Variants in MRO observed in about 807,000 individuals in gnomAD.
MRO encodes the protein maestro, also known as protein maestro.
In MRO, 28 loss-of-function variants were observed where a neutral mutation model predicts 31.0. That is an observed-to-expected ratio of 0.90 (90% CI 0.67 to 1.24). The LOEUF (loss-of-function observed/expected upper bound fraction) is 1.24, where lower values mean the gene tolerates loss of function less well. MRO is among the 50% of genes most tolerant of loss of function. The probability of loss-of-function intolerance (pLI) is 0.00; values close to 1 mark genes in which losing one functional copy is unlikely to be tolerated. For missense variants in MRO, 332 were observed against 289.2 expected (o/e 1.15, Z -1.07); for synonymous variants, 108 against 108.4 (o/e 1.00, Z 0.02).
At chr18:50,811,746 C>CTTTTTTTTT (rs71171344) in intron 2 of MRO, among the ~76,000 whole-genome samples, 7 of 80,154 alleles carry the variant, frequency 8.7e-5, no homozygotes, top group Non-Finnish European at 1.6e-4. Context: ...TGTGGTAATT[C>CTTTTTTTTT]TTTTTTTTTT....
At chr18:50,812,629 G>A (rs1041697789) in intron 2 of MRO, among the ~76,000 whole-genome samples, 10 of 152,136 alleles carry the variant, frequency 6.6e-5, no homozygotes, top group East Asian at 5.8e-4. Context: ...TCTTTTAAGC[G>A]TTTTATAGTT....
upstream of MRO, among the ~76,000 whole-genome samples, chr18:50,824,451 TTTTC>T (rs1915426219): frequency 6.6e-6 from 1 of 150,682 alleles, no homozygotes; most frequent in African/African-American, 2.4e-5. Flanking sequence ...TTCTTTTTTT[TTTTC>T]TTTCTTTTTT....
chr18:50,812,866 G>A (rs1174339243), intron 2 of MRO, among the ~76,000 whole-genome samples: 2 of 152,126 alleles, frequency 1.3e-5, no homozygotes, highest in East Asian at 3.9e-4. Context: ...ATTATCTCTG[G>A]AGGGAGACCC....
chr18:50,817,054 G>GT (rs1914985279), intron 2 of MRO, among the ~76,000 whole-genome samples: 1 of 152,146 alleles, frequency 6.6e-6, no homozygotes, highest in Non-Finnish European at 1.5e-5. Context: ...CTTCATAGGC[G>GT]TAAGTAGAAC....
chr18:50,824,900 C>A (rs1223665604), upstream of MRO, among the ~76,000 whole-genome samples: 3 of 150,270 alleles, frequency 2.0e-5, no homozygotes, highest in Non-Finnish European at 4.4e-5. Context: ...TGTGGTGAAA[C>A]CCTGTCTCCA....
At chr18:50,817,280 G>A (rs2586770) in intron 2 of MRO, among the ~76,000 whole-genome samples, 128,129 of 152,064 alleles carry the variant, frequency 0.84, 54,152 homozygotes, top group African/African-American at 0.88. Context: ...AGGAAAAGTA[G>A]AGCATTTCTC....
intron 3 of MRO, among the ~76,000 whole-genome samples, chr18:50,808,208 A>C (rs535913099): frequency 6.6e-6 from 1 of 152,348 alleles, no homozygotes; most frequent in African/African-American, 2.4e-5. Flanking sequence ...TCATGCAGGA[A>C]GACCCTGGTG....
At chr18:50,811,350 C>A (rs987696472) in intron 2 of MRO, among the ~76,000 whole-genome samples, 10 of 152,228 alleles carry the variant, frequency 6.6e-5, no homozygotes, top group Non-Finnish European at 1.2e-4. Context: ...ATTAGGCATT[C>A]ATTCCATATT....
chr18:50,797,799 C>G lies in MRO; in HGVS notation c.*1538G>C, dbSNP rs1436528511. ...AGGGGGCTTACAGCTCAGAACCACC[C>G]ATTTGCTCGTGAGCCTGTGTCCCTC... is the stretch of plus-strand genomic sequence containing the variant. On this transcript the variant is annotated 3_prime_UTR_variant, in exon 8 of 8. Coordinates refer to ENST00000398439, the MANE Select transcript of MRO (RefSeq NM_031939.6). The G allele has an allele frequency of 6.6e-6, 1 of 152,202 alleles. No homozygotes were observed. The highest frequency in any genetic ancestry group is 1.5e-5 in the Non-Finnish European group (1 of 68,050). The allele number at this position is 152,202 out of a possible 1,614,324, so 9.4% of individuals were successfully genotyped here. A position where few individuals can be genotyped will look rare whatever the true frequency, so the allele number is the denominator to read the frequency against.
At chr18:50,804,624 TCAAA>T (rs1477901422) in intron 5 of MRO, among the ~76,000 whole-genome samples, 1 of 151,746 alleles carries the variant, frequency 6.6e-6, no homozygotes, top group Non-Finnish European at 1.5e-5. Context: ...AGACCCTGTC[TCAAA>T]CAGACAAAAA....
At chr18:50,801,256 G>C in intron 6 of MRO, 93 bp downstream of exon 6, 1 of 1,150,166 alleles carries the variant, frequency 8.7e-7, no homozygotes, top group South Asian at 1.7e-5. Context: ...AGCAGTGCTG[G>C]CAGGAACCCT....
chr18:50,799,286 T>C lies in MRO; in HGVS notation c.*51A>G, dbSNP rs1280111197. The C allele has an allele frequency of 6.7e-7, 1 of 1,488,244 alleles. No homozygotes were observed. Among genetic ancestry groups the C allele is most frequent in the East Asian group, 2.3e-5 (1 of 44,222 alleles). 92.2% of individuals were successfully genotyped at this position (1,488,244 alleles called of 1,614,324 possible). On this transcript the variant is annotated 3_prime_UTR_variant, in exon 8 of 8. Coordinates refer to ENST00000398439, the MANE Select transcript of MRO (RefSeq NM_031939.6). ...TCCAGTGAGATAAAACAGGGGAACATGATGGCTCAGCAATGCACTCATACA... is the reference window on the plus strand; with the variant it reads ...TCCAGTGAGATAAAACAGGGGAACACGATGGCTCAGCAATGCACTCATACA...
At chr18:50,807,809 C>A (rs958161086) in intron 3 of MRO, among the ~76,000 whole-genome samples, 2 of 152,218 alleles carry the variant, frequency 1.3e-5, no homozygotes, top group Non-Finnish European at 1.5e-5. Context: ...GAACTAAACT[C>A]TATCATGCCT....
upstream of MRO, among the ~76,000 whole-genome samples, chr18:50,824,436 G>GTCTTT (rs1374409432): frequency 1.3e-5 from 2 of 149,204 alleles, no homozygotes; most frequent in Non-Finnish European, 3.0e-5. Context: ...GCAAGACACT[G>GTCTTT]TCTTTTCTTT....
intron 5 of MRO, among the ~76,000 whole-genome samples, chr18:50,803,616 T>C (rs1913626472): frequency 6.6e-6 from 1 of 151,962 alleles, no homozygotes; most frequent in Non-Finnish European, 1.5e-5. Flanking sequence ...CACTTCAGGG[T>C]GGTAAGTAGG....
intron 3 of MRO, among the ~76,000 whole-genome samples, chr18:50,807,580 T>C (rs1171311171): frequency 6.6e-6 from 1 of 152,010 alleles, no homozygotes; most frequent in Non-Finnish European, 1.5e-5. Context: ...AGGATTAATC[T>C]AGTACACATC....
chr18:50,817,372 C>T (rs560021228), intron 2 of MRO, among the ~76,000 whole-genome samples: 1 of 152,212 alleles, frequency 6.6e-6, no homozygotes, highest in African/African-American at 2.4e-5. Context: ...CAGTGGCTCA[C>T]ACCTGTAATC....
upstream of MRO, among the ~76,000 whole-genome samples, chr18:50,822,011 A>T (rs1384991187): frequency 6.6e-6 from 1 of 152,356 alleles, no homozygotes; most frequent in African/African-American, 2.4e-5. Context: ...GCCCTGGGTC[A>T]CAGTACAGTT....
intron 5 of MRO, among the ~76,000 whole-genome samples, chr18:50,802,000 A>G (rs886884894): frequency 6.6e-6 from 1 of 152,250 alleles, no homozygotes; most frequent in Non-Finnish European, 1.5e-5. Context: ...TGTATATCAC[A>G]TAATCCTTTC....
Sources: allele counts gnomAD v4.1 joint callset (sites outside exome capture counted in the v4.1 genomes callset), GRCh38; gene constraint gnomAD v4.1.1; transcripts MANE v1.5; gene names NCBI Gene and HGNC (gene_info 2026-07-23, HGNC 2026-07-21).